Variants in KANSL3 observed in about 807,000 individuals in gnomAD.
The protein encoded by KANSL3 is KAT8 regulatory NSL complex subunit 3, also known as NSL complex protein NSL3.
KANSL3 carries 16 observed loss-of-function variants against 89.2 expected under a neutral mutation model. The ratio of observed to expected loss-of-function variants is 0.18; its 90% CI spans 0.12 to 0.27. The LOEUF (loss-of-function observed/expected upper bound fraction) is 0.27. Among genes scored for constraint, KANSL3 ranks in the 10% least tolerant of loss-of-function variants. KANSL3 has a pLI of 1.00. For missense variants in KANSL3, 879 were observed against 1,110.6 expected (o/e 0.79, Z 2.96); for synonymous variants, 385 against 419.7 (o/e 0.92, Z 1.01).
chr2:96,612,726 C>T (rs2069227508), intron 7 of KANSL3, 92 bp downstream of exon 7: 1 of 1,138,722 alleles, frequency 8.8e-7, no homozygotes, highest in Non-Finnish European at 1.3e-6. Flanking sequence ...ATTCAAGTTA[C>T]CCATTTTGAC....
At chr2:96,620,642 T>C (rs2071085075) in intron 3 of KANSL3, among the ~76,000 whole-genome samples, 1 of 152,126 alleles carries the variant, frequency 6.6e-6, no homozygotes, top group Non-Finnish European at 1.5e-5. Flanking sequence ...TTCCTAAAGA[T>C]ACCAAAAGAA....
chr2:96,601,299 TTAGCCAAG>T (rs2067148388), intron 20 of KANSL3: 1 of 983,972 alleles, frequency 1.0e-6, no homozygotes, highest in Non-Finnish European at 1.2e-6. Context: ...AGAAAGAGCA[TTAGCCAAG>T]TAGCCTCTAC....
intron 3 of KANSL3, among the ~76,000 whole-genome samples, chr2:96,622,974 T>A (rs1371915674): frequency 1.3e-5 from 2 of 152,244 alleles, no homozygotes; most frequent in Non-Finnish European, 2.9e-5. Flanking sequence ...TACCCTAGGA[T>A]TCACTAAACT....
chr2:96,610,517 G>C (rs537591847), intron 11 of KANSL3: 1 of 435,560 alleles, frequency 2.3e-6, no homozygotes, highest in Admixed American at 3.6e-5. Flanking sequence ...GGGTTTCACC[G>C]TGTTAGCCAG....
At chr2:96,608,186 A>G (rs1025653116) in intron 14 of KANSL3, among the ~76,000 whole-genome samples, 1 of 152,140 alleles carries the variant, frequency 6.6e-6, no homozygotes, top group Non-Finnish European at 1.5e-5. Flanking sequence ...CAATCACCCA[A>G]TACATATGAT....
Position 96,595,584 on chromosome 2 carries a change from G to GT in KANSL3, c.*26dup, listed in dbSNP as rs754652891. The GT allele has an allele frequency of 6.2e-7, 1 of 1,613,422 alleles. No homozygotes were observed. Among genetic ancestry groups the GT allele is most frequent in the Admixed American group, 1.7e-5 (1 of 59,962 alleles). On this transcript the variant is annotated 3_prime_UTR_variant, in exon 21 of 21. Transcript: ENST00000431828. The stretch of plus-strand genomic sequence containing the variant: ...CCATGAGGCAGCCATCACCAACTTG[G>GT]TAAGGAGGACATATCACACAGCATC...
Position 96,631,453 on chromosome 2 carries a change from G to A in KANSL3, c.245C>T (p.Thr82Met), listed in dbSNP as rs772826441. The change falls in exon 3 of 21, where the codon ACG becomes ATG. Residue 82 changes from threonine (T) to methionine (M), a missense_variant. This residue lies in a region of KANSL3 where 210 missense variants were observed against 311.9 expected (regional missense o/e 0.67). Coordinates refer to ENST00000431828, the MANE Select transcript of KANSL3 (RefSeq NM_001115016.3). ...GAGTGGCATAGGCGTTGATGTGACCGTCTCCACATCTATTGGGACGTCTGA... is the reference window on the plus strand; with the variant it reads ...GAGTGGCATAGGCGTTGATGTGACCATCTCCACATCTATTGGGACGTCTGA... Reference protein sequence around the residue: ...IESDVPIDVETVTSTPMPLYD... With the variant: ...IESDVPIDVEMVTSTPMPLYD... 12 of 1,581,680 alleles carry A rather than the reference G, an allele frequency of 7.6e-6. No homozygotes were observed. The highest frequency in any genetic ancestry group is 3.5e-5 in the South Asian group (3 of 86,650).
At chr2:96,607,056 A>C in intron 14 of KANSL3, 1 of 1,281,972 alleles carries the variant, frequency 7.8e-7, no homozygotes, top group Non-Finnish European at 1.0e-6. Flanking sequence ...TGCTGGAATG[A>C]ATCAGAAAGA....
chr2:96,592,880 G>A (rs1351917254), downstream of KANSL3, among the ~76,000 whole-genome samples: 6 of 152,126 alleles, frequency 3.9e-5, no homozygotes, highest in Admixed American at 3.3e-4. Flanking sequence ...TCGGGCGCCT[G>A]TAATCTCAGC....
At chr2:96,598,100 T>A (rs749760754) in intron 20 of KANSL3, 51 of 985,208 alleles carry the variant, frequency 5.2e-5, no homozygotes, top group Non-Finnish European at 5.7e-5. Context: ...GAGGAAGGGA[T>A]CACGTGGCAG....
rs567536207 is a variant in KANSL3, at chr2:96,600,550, T to C, written c.2616+1093A>G. 2.3e-5 allele frequency: 23 copies of C among 985,390 alleles called. 1 individual carries two copies. In the South Asian group the frequency reaches 8.5e-4, roughly 36 times the overall value. 61.0% of individuals were successfully genotyped at this position (985,390 alleles called of 1,614,324 possible). On this transcript the variant is annotated intron_variant, in intron 20 of 20. Transcript: ENST00000431828. The stretch of plus-strand genomic sequence containing the variant: ...AGCTTTTAGAATGGCTCAGGAACTA[T>C]CACTGCACCTCCAGTTCACAAGCAG...
At chr2:96,585,241 A>C in the KANSL3 span, among the ~76,000 whole-genome samples, 17 of 152,364 alleles carry the variant, frequency 1.1e-4, no homozygotes, top group African/African-American at 3.8e-4. Flanking sequence ...CCATCCAACA[A>C]AGGACTAATA....
intron 5 of KANSL3, chr2:96,615,230 C>A: frequency 6.7e-6 from 1 of 149,638 alleles, no homozygotes; most frequent in Non-Finnish European, 1.4e-5. Context: ...TTATGGGTGA[C>A]TTTTTCCTTT....
chr2:96,622,014 C>T (rs754579450), intron 3 of KANSL3, among the ~76,000 whole-genome samples: 4 of 151,208 alleles, frequency 2.6e-5, no homozygotes, highest in Non-Finnish European at 5.9e-5. Flanking sequence ...CTTGGGAGGC[C>T]GAGGCAAAAG....
Position 96,612,807 on chromosome 2 carries a change from C to G in KANSL3, c.912+11G>C, listed in dbSNP as rs1407350676. ...CTGCCAGGAAGGAGTTCCTCTTGCC[C>G]CCACACATACCTTGCCCAAGCAGGA... is the stretch of plus-strand genomic sequence containing the variant. On this transcript the variant is annotated intron_variant, in intron 7 of 20. Coordinates refer to ENST00000431828, the MANE Select transcript of KANSL3 (RefSeq NM_001115016.3). 1 of 1,544,036 alleles carries G rather than the reference C, an allele frequency of 6.5e-7. No homozygotes were observed. The highest frequency in any genetic ancestry group is 1.2e-5 in the South Asian group (1 of 84,042).
chr2:96,638,223 C>G (rs1424108358), intron 1 of KANSL3, 60 bp downstream of exon 1: 10 of 152,294 alleles, frequency 6.6e-5, no homozygotes. Context: ...CCCGGCCGTC[C>G]CAACCACGGC....
chr2:96,629,037 C>G (rs2072902675), intron 3 of KANSL3, among the ~76,000 whole-genome samples: 1 of 152,150 alleles, frequency 6.6e-6, no homozygotes, highest in African/African-American at 2.4e-5. Context: ...ACCCTGAGCT[C>G]AGTTTCTTCA....
At chr2:96,628,411 G>C in intron 3 of KANSL3, 1 of 276,058 alleles carries the variant, frequency 3.6e-6, no homozygotes, top group Non-Finnish European at 5.5e-6. Context: ...AGCACTTTGG[G>C]AGGCAAAGGT....
chr2:96,596,873 C>T (rs2066588576), intron 20 of KANSL3, among the ~76,000 whole-genome samples: 1 of 152,202 alleles, frequency 6.6e-6, no homozygotes, highest in East Asian at 1.9e-4. Context: ...GAACTTATAA[C>T]CACAGGCAGG....
Sources: gnomAD v4.1 joint callset for allele counts (sites outside exome capture counted in the v4.1 genomes callset) on GRCh38, gnomAD v4.1.1 for gene constraint, gnomAD v4.1.1 regional missense constraint, MANE v1.5 for transcripts, NCBI Gene and HGNC (gene_info 2026-07-23, HGNC 2026-07-21) for gene names.